RYR2: variants seen among roughly 807,000 people sequenced by gnomAD.
RYR2 encodes the protein cardiac muscle ryanodine receptor-calcium release channel.
RYR2 carries 227 observed loss-of-function variants against 601.1 expected under a neutral mutation model. The observed-to-expected ratio is 0.38, with a 90% CI of 0.34 to 0.42. The LOEUF (loss-of-function observed/expected upper bound fraction) is 0.42, where lower values mean the gene tolerates loss of function less well. RYR2 is among the 10% of genes least tolerant of loss of function. The pLI is 1.00. For synonymous variants in RYR2, 2,223 were observed against 2,175.1 expected (o/e 1.02, Z -0.61); for missense variants, 4,646 against 6,156.5 (o/e 0.75, Z 8.21).
At chr1:237,407,686 G>A (rs1704045762) in intron 10 of RYR2, among the ~76,000 whole-genome samples, 1 of 147,972 alleles carries the variant, frequency 6.8e-6, no homozygotes, top group African/African-American at 2.5e-5. Flanking sequence ...GCATGATCTC[G>A]GCTTACTGGA....
rs763800107 is a variant in RYR2, at chr1:237,548,431, T to C, written c.2907T>C (p.Asn969=). ...AAATTTCTTTGTCTCTGATTTGTAG[T>C]TACCAGCTGACAAGTGGATACAAGC... ...DKVKKMKLPK[N]YQLTSGYKPA... is the part of the protein sequence containing the mutation. The change falls in exon 26 of 105, where the codon AAT becomes AAC. Residue 969 remains asparagine, a splice_region_variant and synonymous_variant. Transcript: ENST00000366574. The C allele has an allele frequency of 6.2e-6, 10 of 1,613,264 alleles. 1 individual carries two copies. In the South Asian group the frequency reaches 1.1e-4, roughly 18 times the overall value.
intron 63 of RYR2, among the ~76,000 whole-genome samples, chr1:237,696,940 G>A (rs948313246): frequency 1.3e-5 from 2 of 151,998 alleles, no homozygotes; most frequent in Non-Finnish European, 2.9e-5. Context: ...TTCCCACATA[G>A]GGAATTAATT....
chr1:237,437,470 G>T (rs1446054315), intron 12 of RYR2, among the ~76,000 whole-genome samples: 8 of 152,188 alleles, frequency 5.3e-5, no homozygotes, highest in Non-Finnish European at 7.3e-5. Context: ...TGGGAAATCT[G>T]AAGGGATTTC....
At chr1:237,571,331 T>A (rs1356592086) in intron 29 of RYR2, among the ~76,000 whole-genome samples, 1 of 130,770 alleles carries the variant, frequency 7.6e-6, no homozygotes, top group African/African-American at 2.7e-5. Flanking sequence ...TTTTTTTTTT[T>A]AAGACAGAGT....
At chr1:237,676,664 C>T (rs1685426882) in intron 60 of RYR2, among the ~76,000 whole-genome samples, 1 of 152,164 alleles carries the variant, frequency 6.6e-6, no homozygotes, top group African/African-American at 2.4e-5. Flanking sequence ...ATATTGCCTT[C>T]TCCCTTTATC....
At chr1:237,581,309 A>G (rs1673894149) in intron 29 of RYR2, among the ~76,000 whole-genome samples, 1 of 152,194 alleles carries the variant, frequency 6.6e-6, no homozygotes. Flanking sequence ...CATGATGGTT[A>G]TAATCAAATC....
intron 29 of RYR2, among the ~76,000 whole-genome samples, chr1:237,574,426 A>T (rs906729718): frequency 6.6e-6 from 1 of 152,160 alleles, no homozygotes; most frequent in Non-Finnish European, 1.5e-5. Flanking sequence ...ACCATTTTAT[A>T]TAACCCTCTC....
rs6703409 is a variant in RYR2, at chr1:237,819,475, C to T, written c.14590+283C>T. ...GATTCTCACCTCTGGGTTTCAGACTCATGAACCCCAGCTTTACAATCTTGG... is the reference window on the plus strand; with the variant it reads ...GATTCTCACCTCTGGGTTTCAGACTTATGAACCCCAGCTTTACAATCTTGG... On this transcript the variant is annotated intron_variant, in intron 101 of 104. Coordinates refer to ENST00000366574, the MANE Select transcript of RYR2 (RefSeq NM_001035.3). The surrounding 1 kb of genome is among the most constrained non-coding windows in gnomAD (Gnocchi z 4.0). Among the ~76,000 whole-genome samples, 9,113 of 152,220 alleles carry T rather than the reference C, an allele frequency of 0.06. 890 individuals carry two copies. The highest frequency in any genetic ancestry group is 0.21 in the African/African-American group (8,595 of 41,466).
At chr1:237,776,639 T>TTCTC (rs3835527) in intron 87 of RYR2, among the ~76,000 whole-genome samples, 1,815 of 149,684 alleles carry the variant, frequency 0.012, 18 homozygotes, top group Middle Eastern at 0.021. Flanking sequence ...CTGAAGGTTC[T>TTCTC]TCTCTCTCTC....
At chr1:237,155,808 A>C (rs1301118256) in intron 1 of RYR2, among the ~76,000 whole-genome samples, 2 of 152,204 alleles carry the variant, frequency 1.3e-5, no homozygotes, top group Non-Finnish European at 1.5e-5. Flanking sequence ...CTTAGAAGGC[A>C]TAAAAATTTA....
At position 237,627,976 on chromosome 1, in the gene RYR2, C is replaced by A; in HGVS notation, c.6336C>A (p.Ser2112=). The A allele has an allele frequency of 6.2e-7, 1 of 1,613,858 alleles. No individual in the cohort carries two copies. Among genetic ancestry groups the A allele is most frequent in the African/African-American group, 1.3e-5 (1 of 74,996 alleles). The part of the protein sequence containing the change: ...LPKTYTINGV[S]VEDTINLLAS... ...AGACCTACACGATAAATGGTGTGTC[C>A]GTGGAGGACACCATCAACCTGCTGG... Residue 2112 remains serine, a synonymous_variant, in exon 41 of 105, where the codon TCC becomes TCA. Transcript: ENST00000366574.
At chr1:237,452,699 A>T (rs1050390650) in intron 14 of RYR2, among the ~76,000 whole-genome samples, 18 of 151,004 alleles carry the variant, frequency 1.2e-4, no homozygotes, top group African/African-American at 4.1e-4. Context: ...ATGTAGCCAC[A>T]AGGTTAATAG....
chr1:237,075,057 C>G (rs1664841477), intron 1 of RYR2, among the ~76,000 whole-genome samples: 1 of 152,146 alleles, frequency 6.6e-6, no homozygotes, highest in African/African-American at 2.4e-5. Context: ...GACCCAAGCG[C>G]TGAACCCACT....
intron 28 of RYR2, among the ~76,000 whole-genome samples, chr1:237,567,816 G>A (rs572097543): frequency 2.0e-5 from 3 of 152,004 alleles, no homozygotes; most frequent in East Asian, 1.9e-4. Flanking sequence ...GAGATTTGAC[G>A]TTTGGATATT....
rs535123618 is a variant in RYR2, at chr1:237,819,274, A to G, written c.14590+82A>G. 1 of 1,343,662 alleles carries G rather than the reference A, an allele frequency of 7.4e-7. No homozygotes were observed. Among genetic ancestry groups the G allele is most frequent in the African/African-American group, 1.4e-5 (1 of 69,692 alleles). 83.2% of individuals were successfully genotyped at this position (1,343,662 alleles called of 1,614,324 possible). A position where few individuals can be genotyped will look rare whatever the true frequency, so the allele number is the denominator to read the frequency against. On this transcript the variant is annotated intron_variant, in intron 101 of 104. Transcript: ENST00000366574. This position sits in a 1 kb window ranked among gnomAD's most constrained non-coding sequence, Gnocchi z 4.0. ...TGAAGTTAATATTCAAGGTAGGGTAATGACGTCAAGTGTTTCCTGGCAAAG... is the reference window on the plus strand; with the variant it reads ...TGAAGTTAATATTCAAGGTAGGGTAGTGACGTCAAGTGTTTCCTGGCAAAG...
chr1:237,713,544 G>A (rs147323488), intron 71 of RYR2, among the ~76,000 whole-genome samples: 1,561 of 152,034 alleles, frequency 0.01, 16 homozygotes, highest in Middle Eastern at 0.02. Context: ...CTATACAGGC[G>A]CATGCCACCA....
chr1:237,124,423 C>T (rs1192187499), intron 1 of RYR2, among the ~76,000 whole-genome samples: 2 of 152,026 alleles, frequency 1.3e-5, no homozygotes, highest in Non-Finnish European at 2.9e-5. Flanking sequence ...TATTTCATGG[C>T]TGAAAGCAAC....
intron 80 of RYR2, among the ~76,000 whole-genome samples, chr1:237,751,398 T>C (rs1013643438): frequency 6.6e-6 from 1 of 152,246 alleles, no homozygotes; most frequent in African/African-American, 2.4e-5. Flanking sequence ...TTAGAGTTTC[T>C]CATTCTTTTC....
At chr1:237,370,030 C>T (rs572012420) in intron 6 of RYR2, among the ~76,000 whole-genome samples, 112 of 152,130 alleles carry the variant, frequency 7.4e-4, no homozygotes, top group Non-Finnish European at 1.3e-3. Flanking sequence ...TTTTCTTCTT[C>T]ACCAGGTTTC....
Sources: allele counts gnomAD v4.1 joint callset (sites outside exome capture counted in the v4.1 genomes callset), GRCh38; gene constraint gnomAD v4.1.1; non-coding constraint Gnocchi (gnomAD v3.1); transcripts MANE v1.5; gene names NCBI Gene and HGNC (gene_info 2026-07-23, HGNC 2026-07-21).